Variants in CFAP54 observed in about 807,000 individuals in gnomAD.
The protein encoded by CFAP54 is cilia and flagella associated protein 54.
In CFAP54, 290 loss-of-function variants were observed where a neutral mutation model predicts 370.4. The ratio of observed to expected loss-of-function variants is 0.78; its 90% CI spans 0.71 to 0.86. The LOEUF (loss-of-function observed/expected upper bound fraction) is 0.86. CFAP54 is among the 40% of genes least tolerant of loss of function. The probability of loss-of-function intolerance (pLI) is 0.00; values close to 1 mark genes in which losing one functional copy is unlikely to be tolerated. For missense variants in CFAP54, 3,399 were observed against 3,528.7 expected, an observed-to-expected ratio of 0.96 and a Z score of 0.93; for synonymous variants, 1,206 against 1,236.5, an observed-to-expected ratio of 0.98 and a Z score of 0.52.
chr12:96,829,589 G>C (rs1719433043), intron 66 of CFAP54, among the ~76,000 whole-genome samples: 1 of 151,778 alleles, frequency 6.6e-6, no homozygotes, highest in African/African-American at 2.4e-5. Flanking sequence ...CTTTATTGAT[G>C]GGTTCTGCAG....
intron 66 of CFAP54, among the ~76,000 whole-genome samples, chr12:96,836,784 G>T (rs1346023938): frequency 6.6e-6 from 1 of 152,094 alleles, no homozygotes; most frequent in African/African-American, 2.4e-5. Context: ...TTATATGGTT[G>T]AATTTAGTAC....
intron 50 of CFAP54, among the ~76,000 whole-genome samples, chr12:96,723,394 C>G (rs952239190): frequency 3.9e-5 from 6 of 152,008 alleles, no homozygotes; most frequent in Non-Finnish European, 8.8e-5. Flanking sequence ...AAGAAGTGAC[C>G]AGTAAGATAG....
chr12:96,751,499 T>C (rs1047186258), intron 55 of CFAP54, among the ~76,000 whole-genome samples: 7 of 152,158 alleles, frequency 4.6e-5, no homozygotes, highest in Non-Finnish European at 1.5e-5. Context: ...AACTGTATAG[T>C]ACTAATACAT....
At chr12:96,854,027 A>G (rs1368257090) in intron 66 of CFAP54, among the ~76,000 whole-genome samples, 4 of 152,044 alleles carry the variant, frequency 2.6e-5, no homozygotes, top group Non-Finnish European at 5.9e-5. Context: ...AGCCATTCCT[A>G]TCTTTAACAT....
intron 63 of CFAP54, among the ~76,000 whole-genome samples, chr12:96,796,650 T>A (rs950816772): frequency 1.3e-5 from 2 of 152,212 alleles, no homozygotes; most frequent in African/African-American, 4.8e-5. Context: ...TGTTCTATCA[T>A]TTTTGTTTAC....
intron 58 of CFAP54, among the ~76,000 whole-genome samples, chr12:96,761,016 T>C (rs1472922435): frequency 6.6e-6 from 1 of 152,258 alleles, no homozygotes; most frequent in Admixed American, 6.5e-5. Flanking sequence ...GGCAACTCTA[T>C]GTTTAGCCTT....
intron 66 of CFAP54, among the ~76,000 whole-genome samples, chr12:96,852,260 ATAGAGT>A (rs986858661): frequency 3.1e-4 from 47 of 152,100 alleles, no homozygotes; most frequent in African/African-American, 1.1e-3. Context: ...GTATAGATAA[ATAGAGT>A]TAGAGAGGAT....
At chr12:96,511,889 C>T (rs149919033) in intron 4 of CFAP54, among the ~76,000 whole-genome samples, 1 of 152,250 alleles carries the variant, frequency 6.6e-6, no homozygotes, top group African/African-American at 2.4e-5. Flanking sequence ...CTATCTGTTA[C>T]AATTACATGC....
chr12:96,624,691 A>G (rs1956532727), intron 28 of CFAP54, among the ~76,000 whole-genome samples: 1 of 152,198 alleles, frequency 6.6e-6, no homozygotes, highest in Non-Finnish European at 1.5e-5. Flanking sequence ...CTTTTGCCCC[A>G]TGGCCTTTGG....
intron 36 of CFAP54, among the ~76,000 whole-genome samples, chr12:96,655,309 T>C (rs2136509274): frequency 6.7e-6 from 1 of 149,602 alleles, no homozygotes; most frequent in Admixed American, 6.6e-5. Context: ...AGGGCTTCTT[T>C]GGAAAAAAAA....
chr12:96,825,294 AAT>A (rs1565992431), intron 65 of CFAP54, among the ~76,000 whole-genome samples: 3 of 129,024 alleles, frequency 2.3e-5, no homozygotes, highest in Non-Finnish European at 4.7e-5. Context: ...TATATAATAT[AAT>A]ATATTATATA....
At chr12:96,807,649 G>A (rs1958895700) in intron 63 of CFAP54, among the ~76,000 whole-genome samples, 1 of 152,092 alleles carries the variant, frequency 6.6e-6, no homozygotes, top group African/African-American at 2.4e-5. Context: ...GGTGATATAG[G>A]GTGAAACTGG....
At chr12:96,559,926 C>A (rs1199306239) in intron 17 of CFAP54, among the ~76,000 whole-genome samples, 2 of 152,030 alleles carry the variant, frequency 1.3e-5, no homozygotes, top group African/African-American at 4.8e-5. Context: ...CTAAGAACTC[C>A]TTACCTAACC....
intron 45 of CFAP54, 55 bp from the exon 46 acceptor site, chr12:96,699,916 T>C: frequency 1.4e-6 from 2 of 1,441,056 alleles, no homozygotes; most frequent in Non-Finnish European, 1.9e-6. Flanking sequence ...ACTTTTGTTT[T>C]CTAAGTAAAA....
intron 3 of CFAP54, among the ~76,000 whole-genome samples, chr12:96,505,003 T>C (rs927484342): frequency 2.0e-5 from 3 of 151,618 alleles, no homozygotes; most frequent in African/African-American, 7.3e-5. Flanking sequence ...TTTTTCTTTC[T>C]TTCTTTCTTT....
At chr12:96,807,440 A>G (rs1171988062) in intron 63 of CFAP54, among the ~76,000 whole-genome samples, 1 of 152,218 alleles carries the variant, frequency 6.6e-6, no homozygotes, top group Non-Finnish European at 1.5e-5. Flanking sequence ...AGTACAAGAG[A>G]GCTCGTCTTT....
chr12:96,758,565 G>A (rs938809440), intron 58 of CFAP54, among the ~76,000 whole-genome samples: 1 of 152,128 alleles, frequency 6.6e-6, no homozygotes, highest in African/African-American at 2.4e-5. Flanking sequence ...ATGAGATTTG[G>A]GTGAGGACAC....
intron 26 of CFAP54, among the ~76,000 whole-genome samples, chr12:96,606,169 G>A (rs187923578): frequency 1.3e-5 from 2 of 152,286 alleles, no homozygotes; most frequent in East Asian, 1.9e-4. Flanking sequence ...TATTTTAGAC[G>A]GGATGACCCT....
rs1958709542 is a variant in CFAP54 at position 96,792,392 on chromosome 12, G to C, written c.8743G>C (p.Val2915Leu). The C allele has an allele frequency of 6.5e-7, 1 of 1,535,724 alleles. No homozygotes were observed. Among genetic ancestry groups the C allele is most frequent in the Admixed American group, 2.0e-5 (1 of 50,952 alleles). ...TAAGCCTGTTTCAGGCTCATCTTGT[G>C]TGGACATAACGCCAATAGAAATGGT... Reference protein sequence around the residue: ...SFKPVSGSSCVDITPIEMVTQ... With the variant: ...SFKPVSGSSCLDITPIEMVTQ... The change falls in exon 63 of 68, where the codon GTG (valine) becomes CTG (leucine). Residue 2915 changes from valine to leucine, a missense_variant. Val to Leu is a conservative substitution (Grantham distance 32). This residue lies in a region of CFAP54 where 2,796 missense variants were observed against 2,869.7 expected (regional missense o/e 0.97). Coordinates refer to ENST00000524981, the MANE Select transcript of CFAP54 (RefSeq NM_001306084.2).
Sources: gnomAD v4.1 joint callset for allele counts (sites outside exome capture counted in the v4.1 genomes callset) on GRCh38, gnomAD v4.1.1 for gene constraint, gnomAD v4.1.1 regional missense constraint, MANE v1.5 for transcripts, NCBI Gene and HGNC (gene_info 2026-07-23, HGNC 2026-07-21) for gene names.